ZNF469: variants seen among roughly 807,000 people sequenced by gnomAD.
The protein encoded by ZNF469 is zinc finger protein 469.
In ZNF469, 1 loss-of-function variant was observed where a neutral mutation model predicts 1.0. The observed-to-expected ratio is 1.00, with a 90% CI of 0.35 to 4.73. ZNF469 has a LOEUF of 4.73. ZNF469 is among the 30% of genes most tolerant of loss of function. The probability of loss-of-function intolerance (pLI) is 0.16; values close to 1 mark genes in which losing one functional copy is unlikely to be tolerated. For missense variants in ZNF469, 6,100 were observed against 5,356.3 expected (o/e 1.14, Z -4.33); for synonymous variants, 2,703 against 2,363.4 (o/e 1.14, Z -4.17).
At chr16:88,427,189 G>A (rs555312008) in intron 2 of ZNF469, among the ~76,000 whole-genome samples, 156 bp from the exon 3 acceptor site, 5 of 152,244 alleles carry the variant, frequency 3.3e-5, no homozygotes, top group South Asian at 2.1e-4. Flanking sequence ...GGGCTGAGCC[G>A]AGCATCCCTT....
upstream of ZNF469, among the ~76,000 whole-genome samples, chr16:88,379,464 A>G (rs907017436): frequency 6.6e-6 from 1 of 151,844 alleles, no homozygotes; most frequent in Admixed American, 6.6e-5. Context: ...CAGCTCTCTG[A>G]TGGCTTTGAG....
chr16:88,330,240 C>A, the ZNF469 span, among the ~76,000 whole-genome samples: 4 of 152,310 alleles, frequency 2.6e-5, no homozygotes, highest in Non-Finnish European at 4.4e-5. Context: ...ATCCTGTGGG[C>A]GTCCTGTGAG....
the ZNF469 span, among the ~76,000 whole-genome samples, chr16:88,161,719 A>G: frequency 6.6e-6 from 1 of 152,218 alleles, no homozygotes; most frequent in African/African-American, 2.4e-5. Flanking sequence ...AAGGGGAAAA[A>G]AAAAGCTAGC....
At chr16:88,387,170 C>G (rs1375469279) in intron 1 of ZNF469, among the ~76,000 whole-genome samples, 1 of 152,198 alleles carries the variant, frequency 6.6e-6, no homozygotes, top group South Asian at 2.1e-4. Flanking sequence ...GGTGCGGACG[C>G]CGTCCGCACC....
chr16:88,220,259 T>C, the ZNF469 span, among the ~76,000 whole-genome samples: 1 of 152,114 alleles, frequency 6.6e-6, no homozygotes, highest in African/African-American at 2.4e-5. Flanking sequence ...CAGGCTCCCT[T>C]GTGTGAACGC....
the ZNF469 span, among the ~76,000 whole-genome samples, chr16:88,112,905 G>C: frequency 3.4e-5 from 5 of 146,538 alleles, no homozygotes; most frequent in African/African-American, 1.3e-4. Flanking sequence ...GGCCTCCCCA[G>C]TAGCTGGGAC....
chr16:88,379,031 C>T (rs752571651), upstream of ZNF469, among the ~76,000 whole-genome samples: 4 of 152,218 alleles, frequency 2.6e-5, no homozygotes, highest in Non-Finnish European at 4.4e-5. Flanking sequence ...CCTCGAGTGC[C>T]AATGGCAATT....
the ZNF469 span, among the ~76,000 whole-genome samples, chr16:88,345,691 C>T: frequency 6.6e-6 from 1 of 152,212 alleles, no homozygotes; most frequent in African/African-American, 2.4e-5. Flanking sequence ...GGGAAGGGCG[C>T]TTTCCAAAGC....
intron 1 of ZNF469, among the ~76,000 whole-genome samples, chr16:88,387,822 C>G (rs1360466280): frequency 1.3e-5 from 2 of 152,126 alleles, no homozygotes; most frequent in Non-Finnish European, 2.9e-5. Context: ...GCTCTTGAAG[C>G]AAGAGGAGCT....
the ZNF469 span, among the ~76,000 whole-genome samples, chr16:88,326,936 G>A: frequency 9.2e-5 from 14 of 152,202 alleles, no homozygotes; most frequent in South Asian, 2.5e-3. Context: ...CACCTCTCTC[G>A]GCCTGTGTCC....
At chr16:88,421,991 AT>A (rs1391406541) in intron 1 of ZNF469, among the ~76,000 whole-genome samples, 5 of 150,228 alleles carry the variant, frequency 3.3e-5, no homozygotes, top group African/African-American at 1.2e-4. Flanking sequence ...GAGTGGGTAG[AT>A]TAGAGGGGAT....
At chr16:88,185,192 C>G in the ZNF469 span, among the ~76,000 whole-genome samples, 9 of 149,990 alleles carry the variant, frequency 6.0e-5, no homozygotes, top group African/African-American at 2.2e-4. Flanking sequence ...CAGGCACACA[C>G]ATATTGGGAC....
chr16:88,351,581 C>G, the ZNF469 span, among the ~76,000 whole-genome samples: 3 of 152,242 alleles, frequency 2.0e-5, no homozygotes, highest in South Asian at 2.1e-4. Context: ...GTGTCCTCCG[C>G]GAAAGGACAA....
the ZNF469 span, among the ~76,000 whole-genome samples, chr16:88,204,374 T>C: frequency 1.3e-5 from 2 of 152,212 alleles, no homozygotes; most frequent in African/African-American, 4.8e-5. Context: ...CTGGGCATCC[T>C]GGGAACTGGG....
chr16:88,283,993 C>T, the ZNF469 span, among the ~76,000 whole-genome samples: 1 of 102,898 alleles, frequency 9.7e-6, no homozygotes, highest in South Asian at 3.0e-4. Context: ...CCCGAGTGTG[C>T]CCGAGGTCTG....
chr16:88,244,813 A>G, the ZNF469 span, among the ~76,000 whole-genome samples: 3 of 147,998 alleles, frequency 2.0e-5, no homozygotes, highest in Non-Finnish European at 4.5e-5. Flanking sequence ...GGTGCATATT[A>G]TATGCCCAGT....
the ZNF469 span, among the ~76,000 whole-genome samples, chr16:88,102,167 T>C: frequency 6.6e-6 from 1 of 151,200 alleles, no homozygotes. Flanking sequence ...CACCTTCCAG[T>C]GTCCTGAGCA....
the ZNF469 span, among the ~76,000 whole-genome samples, chr16:88,270,638 A>G: frequency 5.9e-5 from 9 of 152,240 alleles, no homozygotes; most frequent in Non-Finnish European, 1.5e-5. Flanking sequence ...CTGTGCCCAG[A>G]TTCCAAGTAT....
chr16:88,117,763 G>T, the ZNF469 span, among the ~76,000 whole-genome samples: 1 of 152,246 alleles, frequency 6.6e-6, no homozygotes, highest in East Asian at 1.9e-4. Context: ...GTTTCTTGGA[G>T]CCCCGGTCGT....
Sources: gnomAD v4.1 joint callset for allele counts (sites outside exome capture counted in the v4.1 genomes callset) on GRCh38, gnomAD v4.1.1 for gene constraint, MANE v1.5 for transcripts, NCBI Gene and HGNC (gene_info 2026-07-23, HGNC 2026-07-21) for gene names.